SLC17A9: variants seen among roughly 807,000 people sequenced by gnomAD.
SLC17A9 encodes solute carrier family 17 member 9, also known as voltage-gated purine nucleotide uniporter SLC17A9.
SLC17A9 carries 49 observed loss-of-function variants against 55.0 expected under a neutral mutation model. That is an observed-to-expected ratio of 0.89 (90% CI 0.71 to 1.13). The LOEUF (loss-of-function observed/expected upper bound fraction) is 1.13, where lower values mean the gene tolerates loss of function less well. SLC17A9 is among the 50% of genes most tolerant of loss of function. The pLI, the probability that SLC17A9 is intolerant of heterozygous loss-of-function variation, is 0.00. For missense variants in SLC17A9, 526 were observed against 569.3 expected (o/e 0.92, Z 0.77); for synonymous variants, 256 against 247.4 (o/e 1.03, Z -0.32).
chr20:62,967,460 C>A lies in SLC17A9; in HGVS notation c.1271C>A (p.Ala424Asp). 6.2e-7 allele frequency: 1 copy of A among 1,614,126 alleles called. No homozygotes were observed. The highest frequency in any genetic ancestry group is 1.3e-5 in the African/African-American group (1 of 75,030). ...TGCACCTTCCTGGTGTTTGGACAGG[C>A]TCAGAGGGTGGACCTGAGCTCTACC... is the stretch of plus-strand genomic sequence containing the variant. ...GLCTFLVFGQ[A>D]QRVDLSSTHE... Residue 424 changes from alanine (A) to aspartate (D), a missense_variant, in exon 13 of 13, where the codon GCT (alanine) becomes GAT (aspartate). Physicochemically the swap from Ala to Asp is moderately radical, Grantham distance 126. Coordinates refer to ENST00000370351, the MANE Select transcript of SLC17A9 (RefSeq NM_022082.4).
rs2065664528 is a variant in SLC17A9, at chr20:62,969,364, G to A, written c.*1864G>A. The A allele has an allele frequency of 1.4e-5, 1 of 73,596 alleles. No individual in the cohort carries two copies. The highest frequency in any genetic ancestry group is 4.9e-4 in the South Asian group (1 of 2,052). The allele number at this position is 73,596 out of a possible 1,614,324, so 4.6% of individuals were successfully genotyped here. A position where few individuals can be genotyped will look rare whatever the true frequency, so the allele number is the denominator to read the frequency against. ...AAACCGAAGCTCTGTGCTCATTAAA[G>A]GCTAGCTCCCCGTTGCTCTCCCCCA... On this transcript the variant is annotated 3_prime_UTR_variant, in exon 13 of 13. Coordinates refer to ENST00000370351, the MANE Select transcript of SLC17A9 (RefSeq NM_022082.4).
chr20:62,958,033 C>T lies in SLC17A9; in HGVS notation c.397+453C>T, dbSNP rs1476044417. Among the ~76,000 whole-genome samples the T allele has an allele frequency of 1.3e-5, 2 of 151,912 alleles. No homozygotes were observed. Among genetic ancestry groups the T allele is most frequent in the East Asian group, 1.9e-4 (1 of 5,152 alleles). ...GCACATGTGTGAGCATGCACTTGTG[C>T]GTGCAGGTGGTATGCATGCGTGTGC... is the stretch of plus-strand genomic sequence containing the variant. On this transcript the variant is annotated intron_variant, in intron 3 of 12. Transcript: ENST00000370351. The surrounding 1 kb of genome is among the most constrained non-coding windows in gnomAD (Gnocchi z 4.1).
Position 62,967,559 on chromosome 20 carries a change from A to T in SLC17A9, c.*59A>T. ...CGCCAGCAGCCCCAGGACACAGGGG[A>T]CTCAGTGTGTGGGACTTGGTCACTC... On this transcript the variant is annotated 3_prime_UTR_variant, in exon 13 of 13. Coordinates refer to ENST00000370351, the MANE Select transcript of SLC17A9 (RefSeq NM_022082.4). 15 of 1,560,944 alleles carry T rather than the reference A, an allele frequency of 9.6e-6. No homozygotes were observed. The highest frequency in any genetic ancestry group is 1.3e-5 in the Non-Finnish European group (15 of 1,147,690).
intron 8 of SLC17A9, chr20:62,964,868 C>T (rs569536894): frequency 2.0e-4 from 106 of 536,450 alleles, no homozygotes; most frequent in South Asian, 1.4e-3. Flanking sequence ...CGCCTGTTTC[C>T]GCCTCTGTAA....
Position 62,964,333 on chromosome 20 carries a change from G to C in SLC17A9, c.910+18G>C. On this transcript the variant is annotated intron_variant, in intron 8 of 12. Transcript: ENST00000370351. ...CAATCAGGGTGAGCCCCAGGGAGGG[G>C]ACCGGGGCTGGAAGCCACACCCTGG... 1 of 1,612,810 alleles carries C rather than the reference G, an allele frequency of 6.2e-7. No homozygotes were observed. The highest frequency in any genetic ancestry group is 8.5e-7 in the Non-Finnish European group (1 of 1,178,790).
At position 62,957,891 on chromosome 20, in the gene SLC17A9, G is replaced by C. The variant is rs1223012370; in HGVS notation, c.397+311G>C. On this transcript the variant is annotated intron_variant, in intron 3 of 12. Coordinates refer to ENST00000370351, the MANE Select transcript of SLC17A9 (RefSeq NM_022082.4). ...AGTGTGTGTATGGGCATGCCCGCGT[G>C]CATGCGTGCACCTGTGTGTGTGTGC... is the stretch of plus-strand genomic sequence containing the variant. Among the ~76,000 whole-genome samples, 5 of 151,996 alleles carry C rather than the reference G, an allele frequency of 3.3e-5. 1 individual carries two copies. Among genetic ancestry groups the C allele is most frequent in the African/African-American group, 1.2e-4 (5 of 41,372 alleles).
At chr20:62,953,940 C>G (rs1166833835) in intron 1 of SLC17A9, among the ~76,000 whole-genome samples, 2 of 152,260 alleles carry the variant, frequency 1.3e-5, no homozygotes, top group African/African-American at 4.8e-5. Flanking sequence ...CCTCTTCCCC[C>G]ACCCACGTTC....
chr20:62,964,572 G>A (rs75827645), intron 8 of SLC17A9, among the ~76,000 whole-genome samples: 1 of 152,180 alleles, frequency 6.6e-6, no homozygotes, highest in Non-Finnish European at 1.5e-5. Context: ...GCACCTGGAG[G>A]GGTCAGAGGT....
chr20:62,966,688 C>T lies in SLC17A9; in HGVS notation c.1118-15C>T. The T allele has an allele frequency of 6.2e-7, 1 of 1,613,900 alleles. No individual in the cohort carries two copies. Among genetic ancestry groups the T allele is most frequent in the South Asian group, 1.1e-5 (1 of 91,064 alleles). ...CTGACCATCCATATTCTCTCTCGCT[C>T]TGGCCTCTTCACAGGTGTGGCCAAC... On this transcript the variant is annotated splice_polypyrimidine_tract_variant and intron_variant, in intron 11 of 12. Coordinates refer to ENST00000370351, the MANE Select transcript of SLC17A9 (RefSeq NM_022082.4).
chr20:62,953,180 C>T (rs1454429403), intron 1 of SLC17A9: 4 of 1,550,008 alleles, frequency 2.6e-6, no homozygotes, highest in Non-Finnish European at 3.5e-6. Flanking sequence ...GGGCATTGTC[C>T]TGGACAGTCA....
At chr20:62,963,404 G>T in intron 6 of SLC17A9, 35 bp downstream of exon 6, 1 of 1,602,448 alleles carries the variant, frequency 6.2e-7, no homozygotes, top group Non-Finnish European at 8.5e-7. Flanking sequence ...TTGGAGCAGC[G>T]GCAGGGCCGG....
chr20:62,964,447 C>T (rs1026113191), intron 8 of SLC17A9, 132 bp downstream of exon 8: 16 of 899,398 alleles, frequency 1.8e-5, no homozygotes, highest in African/African-American at 1.5e-4. Flanking sequence ...CACTTCTTTC[C>T]AGGCTCGGCC....
At position 62,956,834 on chromosome 20, in the gene SLC17A9, C is replaced by T. The variant is rs779002155; in HGVS notation, c.129C>T (p.Ser43=). The change falls in exon 2 of 13, where the codon AGC becomes AGT. Residue 43 remains serine (S), a synonymous_variant. Transcript: ENST00000370351. ...GTCLLYCARS[S]MPICTVSMSQ... is the part of the protein sequence containing the mutation. Reference sequence around the variant, plus strand: ...GCCTTCTGTACTGCGCCCGCTCCAGCATGCCCATCTGCACCGTCTCCATGA... The same window carrying T: ...GCCTTCTGTACTGCGCCCGCTCCAGTATGCCCATCTGCACCGTCTCCATGA... 7 of 1,613,314 alleles carry T rather than the reference C, an allele frequency of 4.3e-6. No homozygotes were observed. The Admixed American group carries it at 1.2e-4, about 27-fold the overall frequency.
Position 62,963,646 on chromosome 20 carries a change from C to A in SLC17A9, c.788C>A (p.Pro263His). ...CSFFILLSWL[P>H]TFFEETFPDA... is the part of the protein sequence containing the mutation. ...TTCTTCATCCTCCTCTCCTGGCTGC[C>A]CACCTTCTTCGAGGAGACCTTCCCC... Residue 263 changes from proline to histidine, a missense_variant, in exon 7 of 13, where the codon CCC becomes CAC. Physicochemically the swap from Pro to His is moderately conservative, Grantham distance 77 (BLOSUM62 -2). Coordinates refer to ENST00000370351, the MANE Select transcript of SLC17A9 (RefSeq NM_022082.4). The A allele has an allele frequency of 6.2e-7, 1 of 1,602,712 alleles. No homozygotes were observed. Among genetic ancestry groups the A allele is most frequent in the South Asian group, 1.1e-5 (1 of 88,650 alleles).
chr20:62,958,016 G>T lies in SLC17A9; in HGVS notation c.397+436G>T, dbSNP rs1304581320. Among the ~76,000 whole-genome samples, 1 of 152,184 alleles carries T rather than the reference G, an allele frequency of 6.6e-6. No individual in the cohort carries two copies. Among genetic ancestry groups the T allele is most frequent in the Non-Finnish European group, 1.5e-5 (1 of 68,020 alleles). On this transcript the variant is annotated intron_variant, in intron 3 of 12. Coordinates refer to ENST00000370351, the MANE Select transcript of SLC17A9 (RefSeq NM_022082.4). This position sits in a 1 kb window ranked among gnomAD's most constrained non-coding sequence, Gnocchi z 4.1. ...CGTACGTATGTGTGCATGCACATGT[G>T]TGAGCATGCACTTGTGCGTGCAGGT...
intron 9 of SLC17A9, 45 bp from the exon 10 acceptor site, chr20:62,965,565 C>T: frequency 4.5e-6 from 7 of 1,569,438 alleles, no homozygotes; most frequent in Non-Finnish European, 6.1e-6. Context: ...GGCCCTGCTG[C>T]AGGCGGGCTG....
chr20:62,957,595 G>A lies in SLC17A9; in HGVS notation c.397+15G>A. The A allele has an allele frequency of 6.6e-7, 1 of 1,525,404 alleles. No individual in the cohort carries two copies. The highest frequency in any genetic ancestry group is 8.8e-7 in the Non-Finnish European group (1 of 1,136,824). The allele number at this position is 1,525,404 out of a possible 1,614,324, so 94.5% of individuals were successfully genotyped here. ...CTTGCTCCAAGGTAAGGGGAGCTCA[G>A]GCGGCTCCCTCACGCTCTCTGGCAC... On this transcript the variant is annotated intron_variant, in intron 3 of 12. Transcript: ENST00000370351.
chr20:62,963,577 C>T lies in SLC17A9; in HGVS notation c.726-7C>T, dbSNP rs1398047424. On this transcript the variant is annotated splice_region_variant and splice_polypyrimidine_tract_variant and intron_variant, in intron 6 of 12. Transcript: ENST00000370351. Reference sequence around the variant, plus strand: ...CCAGAGTCACGGTCCACCATTGGGCCCCGCAGGGCAGCCGTCGTCTCCCAG... The same window carrying T: ...CCAGAGTCACGGTCCACCATTGGGCTCCGCAGGGCAGCCGTCGTCTCCCAG... The T allele has an allele frequency of 6.3e-6, 10 of 1,586,356 alleles. No homozygotes were observed. Among genetic ancestry groups the T allele is most frequent in the South Asian group, 1.1e-5 (1 of 87,012 alleles).
intron 1 of SLC17A9, among the ~76,000 whole-genome samples, chr20:62,956,289 C>T (rs1285841779): frequency 6.6e-6 from 1 of 152,202 alleles, no homozygotes; most frequent in Non-Finnish European, 1.5e-5. Flanking sequence ...CCACAGCACA[C>T]CGTCATCCAC....
Sources: gnomAD v4.1 joint callset for allele counts (sites outside exome capture counted in the v4.1 genomes callset) on GRCh38, gnomAD v4.1.1 for gene constraint, Gnocchi (gnomAD v3.1) non-coding constraint, MANE v1.5 for transcripts, NCBI Gene and HGNC (gene_info 2026-07-23, HGNC 2026-07-21) for gene names.